Variants in OLFM3 observed in about 807,000 individuals in gnomAD.
OLFM3 encodes the protein noelin-3.
A neutral mutation model predicts 48.6 loss-of-function variants in OLFM3; 20 were observed. That is an observed-to-expected ratio of 0.41 (90% CI 0.29 to 0.60). OLFM3 has a LOEUF of 0.60. OLFM3 is among the 20% of genes least tolerant of loss of function. The probability of loss-of-function intolerance (pLI) is 0.28; values close to 1 mark genes in which losing one functional copy is unlikely to be tolerated. For missense variants in OLFM3, 437 were observed against 544.3 expected (o/e 0.80, Z 1.96); for synonymous variants, 222 against 198.1 (o/e 1.12, Z -1.01).
chr1:101,806,145 T>G lies in OLFM3; in HGVS notation c.630A>C (p.Thr210=), dbSNP rs745714574. 4 of 1,612,180 alleles carry G rather than the reference T, an allele frequency of 2.5e-6. No homozygotes were observed. Among genetic ancestry groups the G allele is most frequent in the Non-Finnish European group, 3.4e-6 (4 of 1,178,744 alleles). The change falls in exon 5 of 6, where the codon ACA becomes ACC. Residue 210 remains threonine, a synonymous_variant. Coordinates refer to ENST00000370103, the MANE Select transcript of OLFM3 (RefSeq NM_058170.4). Reference sequence around the variant, plus strand: ...CAAATCGGGTTCCAGATGTCTTGACTGTAACTGGGCCTGTGATTTTCATCA... The same window carrying G: ...CAAATCGGGTTCCAGATGTCTTGACGGTAACTGGGCCTGTGATTTTCATCA... ...GKLMKITGPV[T]VKTSGTRFGA...
intron 3 of OLFM3, among the ~76,000 whole-genome samples, chr1:101,827,038 G>T (rs1213105508): frequency 6.6e-6 from 1 of 152,066 alleles, no homozygotes; most frequent in African/African-American, 2.4e-5. Flanking sequence ...AAACTTATAT[G>T]AGAGCATTGG....
intron 1 of OLFM3, among the ~76,000 whole-genome samples, chr1:101,921,045 G>A (rs755473123): frequency 2.0e-5 from 3 of 151,948 alleles, no homozygotes; most frequent in Non-Finnish European, 4.4e-5. Context: ...TAAATGTCTT[G>A]ACTACTTTTC....
intron 2 of OLFM3, among the ~76,000 whole-genome samples, chr1:101,832,074 C>T (rs377000499): frequency 5.9e-5 from 9 of 152,036 alleles, no homozygotes; most frequent in Admixed American, 2.0e-4. Flanking sequence ...GGCTAATTTT[C>T]GTATTTTTAT....
chr1:101,985,849 CAA>C (rs1450902285), intron 1 of OLFM3, among the ~76,000 whole-genome samples: 1 of 151,840 alleles, frequency 6.6e-6, no homozygotes, highest in Admixed American at 6.6e-5. Flanking sequence ...GATTTTTCTC[CAA>C]GACTTTAATT....
intron 1 of OLFM3, among the ~76,000 whole-genome samples, chr1:101,926,798 T>G (rs1425255222): frequency 2.6e-5 from 4 of 152,168 alleles, no homozygotes; most frequent in Non-Finnish European, 5.9e-5. Context: ...GGTAGACAAT[T>G]GTCTCTCAAA....
intron 5 of OLFM3, 94 bp from the exon 6 acceptor site, chr1:101,805,009 A>G (rs1165838525): frequency 2.0e-6 from 2 of 987,812 alleles, no homozygotes; most frequent in South Asian, 3.4e-5. Context: ...ACTTATTATA[A>G]TTCTCAGGCT....
chr1:101,867,034 T>C (rs747032838), intron 1 of OLFM3, among the ~76,000 whole-genome samples: 2 of 152,208 alleles, frequency 1.3e-5, no homozygotes, highest in African/African-American at 4.8e-5. Flanking sequence ...GGGGCAGCAT[T>C]ATGATACTAC....
chr1:101,996,819 T>G lies in OLFM3; in HGVS notation c.-3A>C. 6.2e-7 allele frequency: 1 copy of G among 1,614,238 alleles called. No individual in the cohort carries two copies. The highest frequency in any genetic ancestry group is 8.5e-7 in the Non-Finnish European group (1 of 1,180,030). On this transcript the variant is annotated 5_prime_UTR_variant, in exon 1 of 6. Coordinates refer to ENST00000370103, the MANE Select transcript of OLFM3 (RefSeq NM_058170.4). Reference sequence around the variant, plus strand: ...AGAAGGTTGGACGTCGCCTGCATTCTGATCTGGGTTTTTGCCCCTCTTTAC... The same window carrying G: ...AGAAGGTTGGACGTCGCCTGCATTCGGATCTGGGTTTTTGCCCCTCTTTAC...
chr1:101,877,849 A>T (rs1657363817), intron 1 of OLFM3, among the ~76,000 whole-genome samples: 1 of 151,426 alleles, frequency 6.6e-6, no homozygotes, highest in Admixed American at 6.6e-5. Context: ...ATTAAATCTT[A>T]GTTGTAACTT....
intron 1 of OLFM3, among the ~76,000 whole-genome samples, chr1:101,843,737 C>T (rs1422844924): frequency 1.3e-5 from 2 of 152,124 alleles, no homozygotes; most frequent in African/African-American, 4.8e-5. Context: ...GATTTAATTG[C>T]CATTTAATGA....
chr1:101,955,122 G>A (rs1660248780), intron 1 of OLFM3, among the ~76,000 whole-genome samples: 1 of 151,954 alleles, frequency 6.6e-6, no homozygotes, highest in Non-Finnish European at 1.5e-5. Context: ...TTGTAAGATA[G>A]AATGTTAAAC....
chr1:101,961,637 C>A (rs1660470114), intron 1 of OLFM3, among the ~76,000 whole-genome samples: 1 of 151,956 alleles, frequency 6.6e-6, no homozygotes, highest in East Asian at 1.9e-4. Flanking sequence ...TGTAGTATTT[C>A]AAAACAGAGG....
chr1:101,945,727 T>G (rs1476538976), intron 1 of OLFM3, among the ~76,000 whole-genome samples: 1 of 152,118 alleles, frequency 6.6e-6, no homozygotes, highest in Non-Finnish European at 1.5e-5. Flanking sequence ...GTAGGAGGAT[T>G]GCTTGAGACC....
intron 1 of OLFM3, among the ~76,000 whole-genome samples, chr1:101,923,600 A>T (rs974826881): frequency 1.3e-5 from 2 of 152,106 alleles, no homozygotes; most frequent in Non-Finnish European, 2.9e-5. Context: ...CTAACAAATA[A>T]AATGTATATG....
rs890260910 is a variant in OLFM3 at position 101,804,008 on chromosome 1, C to A, written c.*230G>T. The A allele has an allele frequency of 6.5e-6, 2 of 305,866 alleles. No individual in the cohort carries two copies. Among genetic ancestry groups the A allele is most frequent in the African/African-American group, 2.2e-5 (1 of 45,470 alleles). The allele number at this position is 305,866 out of a possible 1,614,324, so 18.9% of individuals were successfully genotyped here. Reference sequence around the variant, plus strand: ...ACTTAAACTCTTTTTTTTTTTAGTGCTTTTCATGACAAGGACATGATAGGC... The same window carrying A: ...ACTTAAACTCTTTTTTTTTTTAGTGATTTTCATGACAAGGACATGATAGGC... On this transcript the variant is annotated 3_prime_UTR_variant, in exon 6 of 6. Transcript: ENST00000370103. The surrounding 1 kb of genome is among the most constrained non-coding windows in gnomAD (Gnocchi z 4.5).
intron 1 of OLFM3, among the ~76,000 whole-genome samples, chr1:101,865,615 C>T (rs1163267093): frequency 6.6e-6 from 1 of 152,152 alleles, no homozygotes; most frequent in Non-Finnish European, 1.5e-5. Context: ...CGCTTTGTGC[C>T]AATGTACCAT....
intron 1 of OLFM3, among the ~76,000 whole-genome samples, chr1:101,991,070 A>G (rs1006300575): frequency 7.5e-6 from 1 of 134,064 alleles, no homozygotes; most frequent in East Asian, 2.3e-4. Context: ...GTAAGTGGGC[A>G]TAGACTGAGT....
At chr1:101,901,912 G>A (rs1363018325) in intron 1 of OLFM3, among the ~76,000 whole-genome samples, 1 of 151,974 alleles carries the variant, frequency 6.6e-6, no homozygotes, top group Non-Finnish European at 1.5e-5. Flanking sequence ...TAAATTTTGA[G>A]CTACAAATTC....
intron 1 of OLFM3, among the ~76,000 whole-genome samples, chr1:101,951,010 A>G (rs1004190997): frequency 5.9e-5 from 9 of 152,232 alleles, no homozygotes; most frequent in Non-Finnish European, 1.0e-4. Flanking sequence ...TACATGGTCT[A>G]TTTAAGGTTA....
Sources: allele counts gnomAD v4.1 joint callset (sites outside exome capture counted in the v4.1 genomes callset), GRCh38; gene constraint gnomAD v4.1.1; non-coding constraint Gnocchi (gnomAD v3.1); transcripts MANE v1.5; gene names NCBI Gene and HGNC (gene_info 2026-07-23, HGNC 2026-07-21).